The following CD44 variants were observed in gnomAD, a reference collection of about 807,000 sequenced individuals.
The protein encoded by CD44 is CD44 antigen.
In CD44, 49 loss-of-function variants were observed where a neutral mutation model predicts 88.8. That is an observed-to-expected ratio of 0.55 (90% CI 0.44 to 0.70). The LOEUF (loss-of-function observed/expected upper bound fraction) is 0.70. Among genes scored for constraint, CD44 ranks in the 30% least tolerant of loss-of-function variants. CD44 has a pLI of 0.00. For synonymous variants in CD44, 325 were observed against 312.3 expected (o/e 1.04, Z -0.43); for missense variants, 883 against 913.8 (o/e 0.97, Z 0.43).
At chr11:35,148,724 G>A (rs909531891) in intron 1 of CD44, among the ~76,000 whole-genome samples, 7 of 152,218 alleles carry the variant, frequency 4.6e-5, no homozygotes, top group South Asian at 2.1e-4. Flanking sequence ...AGCCCTGAGC[G>A]GTCAGCACAG....
chr11:35,210,493 T>C (rs1948291339), intron 13 of CD44: 2 of 152,370 alleles, frequency 1.3e-5, no homozygotes, highest in African/African-American at 4.8e-5. Context: ...AAGAACTTCT[T>C]GATTTCTGCA....
At chr11:35,204,306 C>G (rs1398119893) in intron 9 of CD44, among the ~76,000 whole-genome samples, 2 of 152,156 alleles carry the variant, frequency 1.3e-5, no homozygotes, top group African/African-American at 4.8e-5. Context: ...TTCTTTGGAC[C>G]ACAATTTTCC....
At chr11:35,226,777 T>TTA (rs745741061) in intron 17 of CD44, among the ~76,000 whole-genome samples, 3 of 152,064 alleles carry the variant, frequency 2.0e-5, no homozygotes, top group Non-Finnish European at 4.4e-5. Context: ...GTATTATTGA[T>TTA]GCAAAACTGA....
intron 4 of CD44, among the ~76,000 whole-genome samples, chr11:35,187,387 T>G (rs537412346): frequency 6.6e-6 from 1 of 152,228 alleles, no homozygotes; most frequent in African/African-American, 2.4e-5. Context: ...TGCTCTCTGG[T>G]TTACACTCAT....
intron 15 of CD44, 25 bp from the exon 16 acceptor site, chr11:35,219,291 T>G (rs751393648): frequency 1.3e-6 from 2 of 1,594,234 alleles, no homozygotes; most frequent in South Asian, 2.2e-5. Flanking sequence ...AAACTTTGGT[T>G]GAGAGATGTT....
intron 9 of CD44, among the ~76,000 whole-genome samples, chr11:35,203,020 G>C (rs1947460665): frequency 6.6e-6 from 1 of 152,158 alleles, no homozygotes; most frequent in African/African-American, 2.4e-5. Context: ...GGGGCATTAG[G>C]ACTAGAGGGT....
At chr11:35,165,079 G>T (rs1448015766) in intron 1 of CD44, among the ~76,000 whole-genome samples, 3 of 152,158 alleles carry the variant, frequency 2.0e-5, no homozygotes, top group Non-Finnish European at 4.4e-5. Context: ...GGTAGGGTGG[G>T]TGCTGGAAGA....
chr11:35,159,758 A>C (rs1407718539), intron 1 of CD44, among the ~76,000 whole-genome samples: 1 of 152,202 alleles, frequency 6.6e-6, no homozygotes, highest in African/African-American at 2.4e-5. Context: ...AGCGGACGTA[A>C]CCTGCCTGAG....
In CD44 at chr11:35,195,398, A is replaced by T. The variant is rs140469444; in HGVS notation, c.668-1348A>T. On this transcript the variant is annotated intron_variant, in intron 5 of 17. Coordinates refer to ENST00000428726, the MANE Select transcript of CD44 (RefSeq NM_000610.4). ...GTTATGTTATGGTTGCCATATCACAATGTCTAAGATCATGCAGGGGTGGGG... is the reference window on the plus strand; with the variant it reads ...GTTATGTTATGGTTGCCATATCACATTGTCTAAGATCATGCAGGGGTGGGG... Among the ~76,000 whole-genome samples the T allele has an allele frequency of 2.5e-3, 386 of 152,018 alleles. 3 individuals carry two copies. Among genetic ancestry groups the T allele is most frequent in the Non-Finnish European group, 4.8e-3 (327 of 67,976 alleles).
intron 1 of CD44, among the ~76,000 whole-genome samples, chr11:35,173,211 A>C (rs892302634): frequency 1.3e-5 from 2 of 152,220 alleles, no homozygotes; most frequent in Non-Finnish European, 2.9e-5. Context: ...GCAGACAGGT[A>C]GTTTGCCTCA....
intron 13 of CD44, chr11:35,210,428 C>T (rs1565139466): frequency 6.5e-6 from 1 of 153,542 alleles, no homozygotes; most frequent in African/African-American, 2.4e-5. Context: ...TTACTACTGC[C>T]TTAGCTGTGT....
intron 10 of CD44, chr11:35,205,016 AAAGTCTGG>A (rs1947696302): frequency 6.1e-6 from 1 of 163,262 alleles, no homozygotes; most frequent in Non-Finnish European, 1.3e-5. Flanking sequence ...ATGATTCTGC[AAAGTCTGG>A]CTGTGAGAAA....
At chr11:35,181,934 A>ATAGAATATATAG (rs1491126504) in intron 3 of CD44, among the ~76,000 whole-genome samples, 5,307 of 65,770 alleles carry the variant, frequency 0.081, 268 homozygotes, top group Non-Finnish European at 0.11. Flanking sequence ...TATTATATAT[A>ATAGAATATATAG]AATTATATAT....
chr11:35,181,605 T>C (rs1008319299), intron 3 of CD44, among the ~76,000 whole-genome samples: 14 of 148,086 alleles, frequency 9.5e-5, no homozygotes, highest in Non-Finnish European at 1.9e-4. Flanking sequence ...AAGGGGATGT[T>C]AAATTAGCTG....
chr11:35,197,514 A>C (rs1946873055), intron 6 of CD44: 1 of 152,398 alleles, frequency 6.6e-6, no homozygotes, highest in Non-Finnish European at 1.5e-5. Flanking sequence ...ATAATGCCAA[A>C]AATGATTTCT....
chr11:35,163,956 A>G (rs552913170), intron 1 of CD44, among the ~76,000 whole-genome samples: 2 of 152,052 alleles, frequency 1.3e-5, no homozygotes, highest in Admixed American at 1.3e-4. Context: ...TCAAGTTTCA[A>G]TGATCGCAAT....
intron 5 of CD44, among the ~76,000 whole-genome samples, chr11:35,196,301 A>G (rs1946737949): frequency 6.6e-6 from 1 of 152,250 alleles, no homozygotes; most frequent in Non-Finnish European, 1.5e-5. Flanking sequence ...ATTTGGAAGA[A>G]CATTCCTCTT....
intron 1 of CD44, among the ~76,000 whole-genome samples, chr11:35,172,990 A>T (rs1944077211): frequency 6.6e-6 from 1 of 152,218 alleles, no homozygotes; most frequent in African/African-American, 2.4e-5. Flanking sequence ...TCTGAAACTC[A>T]AGGGATTTTG....
intron 5 of CD44, 176 bp downstream of exon 5, chr11:35,190,241 T>A: frequency 1.6e-6 from 1 of 607,766 alleles, no homozygotes. Flanking sequence ...CTGCATTGAC[T>A]ACTACTGCCT....
Sources: gnomAD v4.1 joint callset for allele counts (sites outside exome capture counted in the v4.1 genomes callset) on GRCh38, gnomAD v4.1.1 for gene constraint, MANE v1.5 for transcripts, NCBI Gene and HGNC (gene_info 2026-07-23, HGNC 2026-07-21) for gene names.